Variants in KLHL32 observed in about 807,000 individuals in gnomAD.
KLHL32 encodes kelch like family member 32.
KLHL32 carries 35 observed loss-of-function variants against 64.8 expected under a neutral mutation model. The ratio of observed to expected loss-of-function variants is 0.54; its 90% CI spans 0.41 to 0.72. The LOEUF is 0.72. KLHL32 is among the 30% of genes least tolerant of loss of function. The pLI is 0.00. For missense variants in KLHL32, 589 were observed against 768.5 expected, an observed-to-expected ratio of 0.77 and a Z score of 2.76; for synonymous variants, 259 against 281.0, an observed-to-expected ratio of 0.92 and a Z score of 0.78.
In KLHL32 at chr6:97,041,281, A is replaced by G. The variant is rs138537308; in HGVS notation, c.205-211A>G. On this transcript the variant is annotated intron_variant, in intron 3 of 10. Transcript: ENST00000369261. ...ATAGAAGTACTGTATATGGTGAGGAATGCCATCCTGTGTGTGTTGTTATTG... is the reference window on the plus strand; with the variant it reads ...ATAGAAGTACTGTATATGGTGAGGAGTGCCATCCTGTGTGTGTTGTTATTG... 7.9e-4 allele frequency among the ~76,000 whole-genome samples: 120 copies of G among 152,346 alleles called. 2 individuals are homozygous for G. Among genetic ancestry groups the G allele is most frequent in the South Asian group, 7.9e-3 (38 of 4,830 alleles).
chr6:97,003,666 T>G (rs916692790), intron 3 of KLHL32, among the ~76,000 whole-genome samples: 2 of 152,192 alleles, frequency 1.3e-5, no homozygotes, highest in Non-Finnish European at 2.9e-5. Context: ...TGATTTTTTG[T>G]ATATACTGTA....
the KLHL32 span, among the ~76,000 whole-genome samples, chr6:96,911,480 A>G: frequency 6.6e-6 from 1 of 151,698 alleles, no homozygotes; most frequent in African/African-American, 2.4e-5. Flanking sequence ...TTATTCCACA[A>G]TTTTTTCCCA....
rs1798734703 is a variant in KLHL32 at position 97,125,040 on chromosome 6, GAGA to G, written c.1355-2360_1355-2358del. 3.3e-5 allele frequency among the ~76,000 whole-genome samples: 5 copies of G among 152,304 alleles called. No individual in the cohort carries two copies. The South Asian group carries it at 8.3e-4, about 25-fold the overall frequency. ...AATGAGATATTCAATGAGAAATCCA[GAGA>G]AGACTTTCTTTGAGGGCAGGAGGCT... On this transcript the variant is annotated intron_variant, in intron 7 of 10. Transcript: ENST00000369261.
intron 3 of KLHL32, among the ~76,000 whole-genome samples, chr6:96,977,205 C>T (rs1200470978): frequency 6.6e-6 from 1 of 152,124 alleles, no homozygotes; most frequent in African/African-American, 2.4e-5. Flanking sequence ...CCATTGTGCA[C>T]ATATATATAC....
intron 3 of KLHL32, among the ~76,000 whole-genome samples, chr6:97,025,935 T>A (rs373934279): frequency 6.6e-6 from 1 of 152,208 alleles, no homozygotes; most frequent in East Asian, 1.9e-4. Context: ...ATTGTCATTG[T>A]TCTCATTATC....
At chr6:97,084,817 T>C (rs1163376365) in intron 5 of KLHL32, among the ~76,000 whole-genome samples, 2 of 152,158 alleles carry the variant, frequency 1.3e-5, no homozygotes, top group East Asian at 3.9e-4. Context: ...ATTAGTAAAA[T>C]GTCTCTAGAA....
the KLHL32 span, among the ~76,000 whole-genome samples, chr6:96,898,846 C>G: frequency 2.6e-5 from 4 of 152,096 alleles, no homozygotes; most frequent in African/African-American, 7.2e-5. Context: ...AGGAAGGAAG[C>G]AGTAGGAAGG....
the KLHL32 span, among the ~76,000 whole-genome samples, chr6:96,915,896 A>C: frequency 6.6e-6 from 1 of 152,236 alleles, no homozygotes; most frequent in South Asian, 2.1e-4. Flanking sequence ...GCAGGACATA[A>C]ATTTGCCTTT....
intron 4 of KLHL32, among the ~76,000 whole-genome samples, chr6:97,049,981 A>G (rs1786601124): frequency 6.6e-6 from 1 of 152,132 alleles, no homozygotes; most frequent in South Asian, 2.1e-4. Context: ...ATTCTAAGTG[A>G]CAGTCTTTGC....
chr6:97,002,685 C>G (rs1019941168), intron 3 of KLHL32, among the ~76,000 whole-genome samples: 2 of 152,166 alleles, frequency 1.3e-5, no homozygotes, highest in Non-Finnish European at 2.9e-5. Context: ...TCCATGTGTA[C>G]TCAGTGTTTA....
At chr6:97,019,921 A>G (rs975012595) in intron 3 of KLHL32, among the ~76,000 whole-genome samples, 1 of 149,048 alleles carries the variant, frequency 6.7e-6, no homozygotes, top group African/African-American at 2.5e-5. Flanking sequence ...CTGGAACTAC[A>G]GGCGCCCATC....
chr6:97,007,500 C>T (rs921046714), intron 3 of KLHL32, among the ~76,000 whole-genome samples: 37 of 152,262 alleles, frequency 2.4e-4, no homozygotes, highest in African/African-American at 8.7e-4. Flanking sequence ...GCCATTTCAG[C>T]CTGGTTAAGA....
chr6:97,028,758 C>T (rs1444109292), intron 3 of KLHL32, among the ~76,000 whole-genome samples: 1 of 152,100 alleles, frequency 6.6e-6, no homozygotes, highest in Non-Finnish European at 1.5e-5. Flanking sequence ...TCAATTAATT[C>T]GATTCATTCA....
At position 97,139,649 on chromosome 6, in the gene KLHL32, AAT is replaced by A. The variant is rs534070573; in HGVS notation, c.*376_*377del. The A allele has an allele frequency of 1.2e-5, 2 of 164,308 alleles. No homozygotes were observed. Among genetic ancestry groups the A allele is most frequent in the Non-Finnish European group, 2.6e-5 (2 of 76,562 alleles). The allele number at this position is 164,308 out of a possible 1,614,324, so 10.2% of individuals were successfully genotyped here. A position where few individuals can be genotyped will look rare whatever the true frequency, so the allele number is the denominator to read the frequency against. On this transcript the variant is annotated 3_prime_UTR_variant, in exon 11 of 11. Coordinates refer to ENST00000369261, the MANE Select transcript of KLHL32 (RefSeq NM_052904.4). ...ACACAATGGCATCGATGATCTTAAA[AAT>A]ATATATATTCTGTACTTAATCCCTT...
In KLHL32 at chr6:97,131,559, C is replaced by T. The variant is rs17057458; in HGVS notation, c.1606+610C>T. Among the ~76,000 whole-genome samples, 1,507 of 152,272 alleles carry T rather than the reference C, an allele frequency of 9.9e-3. 24 individuals carry two copies. The highest frequency in any genetic ancestry group is 0.033 in the African/African-American group (1,379 of 41,550). On this transcript the variant is annotated intron_variant, in intron 9 of 10. Coordinates refer to ENST00000369261, the MANE Select transcript of KLHL32 (RefSeq NM_052904.4). ...AAAGTAACACGGTGAACAACTTACC[C>T]CTCATGTTTCTTTATGGAGTGAATA... is the stretch of plus-strand genomic sequence containing the variant.
At chr6:97,056,391 CA>C (rs1562287814) in intron 4 of KLHL32, among the ~76,000 whole-genome samples, 1 of 152,160 alleles carries the variant, frequency 6.6e-6, no homozygotes, top group African/African-American at 2.4e-5. Context: ...AAACGTGAGC[CA>C]CCAGGCCCGG....
intron 1 of KLHL32, among the ~76,000 whole-genome samples, chr6:96,963,015 A>G (rs1774042017): frequency 6.6e-6 from 1 of 152,142 alleles, no homozygotes; most frequent in Admixed American, 6.5e-5. Flanking sequence ...TTAAATGAAA[A>G]CCACTATGCC....
intron 6 of KLHL32, among the ~76,000 whole-genome samples, chr6:97,112,194 C>G (rs1797237838): frequency 6.6e-6 from 1 of 152,146 alleles, no homozygotes; most frequent in South Asian, 2.1e-4. Flanking sequence ...CTGTCCCTAT[C>G]AAAATTATTT....
At chr6:97,085,100 T>C in intron 5 of KLHL32, 26 bp from the exon 6 acceptor site, 1 of 1,591,200 alleles carries the variant, frequency 6.3e-7, no homozygotes, top group Non-Finnish European at 8.6e-7. Context: ...AGAGATCTTT[T>C]TTCATTTTTA....
Sources: gnomAD v4.1 joint callset for allele counts (sites outside exome capture counted in the v4.1 genomes callset) on GRCh38, gnomAD v4.1.1 for gene constraint, MANE v1.5 for transcripts, NCBI Gene and HGNC (gene_info 2026-07-23, HGNC 2026-07-21) for gene names.